UGT3A2: variants seen among roughly 807,000 people sequenced by gnomAD.
The protein encoded by UGT3A2 is UDP glycosyltransferase family 3 member A2.
UGT3A2 carries 32 observed loss-of-function variants against 39.8 expected under a neutral mutation model. The observed-to-expected ratio is 0.80, with a 90% CI of 0.61 to 1.08. UGT3A2 has a LOEUF of 1.08. Among genes scored for constraint, UGT3A2 ranks in the 50% least tolerant of loss-of-function variants. UGT3A2 has a pLI of 0.00. For synonymous variants in UGT3A2, 241 were observed against 230.7 expected, an observed-to-expected ratio of 1.04 and a Z score of -0.40; for missense variants, 611 against 637.1, an observed-to-expected ratio of 0.96 and a Z score of 0.44.
chr5:36,038,754 G>C (rs1741911631), intron 5 of UGT3A2, among the ~76,000 whole-genome samples: 1 of 152,214 alleles, frequency 6.6e-6, no homozygotes, highest in Non-Finnish European at 1.5e-5. Flanking sequence ...ACAGAAGTAG[G>C]ACCAGGAATC....
Position 36,049,226 on chromosome 5 carries a change from G to A in UGT3A2, c.506C>T (p.Ser169Leu), listed in dbSNP as rs1012901494. The A allele has an allele frequency of 6.2e-7, 1 of 1,614,084 alleles. No homozygotes were observed. The highest frequency in any genetic ancestry group is 8.5e-7 in the Non-Finnish European group (1 of 1,180,036). The part of the protein sequence containing the change: ...GKPFVAILST[S>L]FGSLEFGLPI... Reference sequence around the variant, plus strand: ...TAGCCCAAATTCCAAAGAGCCGAATGAAGTGGAAAGAATGGCCACAAATGG... The same window carrying A: ...TAGCCCAAATTCCAAAGAGCCGAATAAAGTGGAAAGAATGGCCACAAATGG... The change falls in exon 4 of 7, where the codon TCA becomes TTA. Residue 169 changes from serine (S) to leucine (L), a missense_variant. Transcript: ENST00000282507.
At chr5:36,065,117 A>G (rs557482066) in intron 1 of UGT3A2, among the ~76,000 whole-genome samples, 81 of 152,216 alleles carry the variant, frequency 5.3e-4, no homozygotes, top group African/African-American at 1.9e-3. Context: ...CACGAAATCA[A>G]TGTCTTCTCA....
In UGT3A2 at chr5:36,049,193, G is replaced by T; in HGVS notation, c.539C>A (p.Pro180His). The change falls in exon 4 of 7, where the codon CCC becomes CAC. Residue 180 changes from proline to histidine, a missense_variant. Pro to His is a moderately conservative substitution (Grantham distance 77). Coordinates refer to ENST00000282507, the MANE Select transcript of UGT3A2 (RefSeq NM_174914.4). ...ACGGAATACTGGAACATAAGACAAG[G>T]GGATTGGTAGCCCAAATTCCAAAGA... ...FGSLEFGLPI[P>H]LSYVPVFRSL... 1 of 1,614,122 alleles carries T rather than the reference G, an allele frequency of 6.2e-7. No individual in the cohort carries two copies. Among genetic ancestry groups the T allele is most frequent in the Non-Finnish European group, 8.5e-7 (1 of 1,180,022 alleles).
rs543641014 is a variant in UGT3A2 at position 36,035,021 on chromosome 5, T to C, written c.*677A>G. 6.6e-6 allele frequency: 1 copy of C among 152,498 alleles called. No individual in the cohort carries two copies. The highest frequency in any genetic ancestry group is 6.5e-5 in the Admixed American group (1 of 15,294). The allele number at this position is 152,498 out of a possible 1,614,324, so 9.4% of individuals were successfully genotyped here. A position where few individuals can be genotyped will look rare whatever the true frequency, so the allele number is the denominator to read the frequency against. ...AGAAATCTCTTGGCCAATCATTTAG[T>C]GAGGTTGGGGAGAGATAACGCTGTA... On this transcript the variant is annotated 3_prime_UTR_variant, in exon 7 of 7. Transcript: ENST00000282507.
chr5:36,038,128 C>T (rs986556391), intron 5 of UGT3A2, 112 bp from the exon 6 acceptor site: 41 of 1,100,852 alleles, frequency 3.7e-5, no homozygotes, highest in Non-Finnish European at 5.1e-5. Context: ...GTGTTGGAGA[C>T]ATTGTATCTA....
At position 36,035,909 on chromosome 5, in the gene UGT3A2, C is replaced by G; in HGVS notation, c.1361G>C (p.Arg454Pro). The change falls in exon 7 of 7, where the codon CGG (arginine) becomes CCG (proline). Residue 454 changes from arginine to proline, a missense_variant. Coordinates refer to ENST00000282507, the MANE Select transcript of UGT3A2 (RefSeq NM_174914.4). The stretch of plus-strand genomic sequence containing the variant: ...GACGTGGTCAATCCAGCCCACCAGC[C>G]GCTGTGTGGGGCTGAGCGGGTGGGA... ...LRSHPLSPTQ[R>P]LVGWIDHVLQ... 1 of 1,614,204 alleles carries G rather than the reference C, an allele frequency of 6.2e-7. No individual in the cohort carries two copies. The highest frequency in any genetic ancestry group is 1.3e-5 in the African/African-American group (1 of 75,040).
intron 2 of UGT3A2, among the ~76,000 whole-genome samples, chr5:36,060,681 G>A (rs1031798028): frequency 6.6e-6 from 1 of 152,132 alleles, no homozygotes; most frequent in Admixed American, 6.5e-5. Context: ...TCGTAATGAT[G>A]GTCTCAAGTA....
At position 36,049,141 on chromosome 5, in the gene UGT3A2, G is replaced by A; in HGVS notation, c.591C>T (p.Phe197=). The change falls in exon 4 of 7, where the codon TTC becomes TTT. Residue 197 remains phenylalanine (F), a synonymous_variant. Transcript: ENST00000282507. The part of the protein sequence containing the change: ...FRSLLTDHMD[F]WGRVKNFLMF... ...TCAGAAAATTCTTCACTCGGCCCCA[G>A]AAGTCCATGTGATCAGTCAGCAAGG... 6.2e-7 allele frequency: 1 copy of A among 1,614,178 alleles called. No individual in the cohort carries two copies. Among genetic ancestry groups the A allele is most frequent in the Non-Finnish European group, 8.5e-7 (1 of 1,180,046 alleles).
At chr5:36,062,791 G>C (rs1471329765) in intron 2 of UGT3A2, among the ~76,000 whole-genome samples, 1 of 152,198 alleles carries the variant, frequency 6.6e-6, no homozygotes, top group Non-Finnish European at 1.5e-5. Context: ...TGTAATCCCA[G>C]CACTTTGGGA....
intron 4 of UGT3A2, among the ~76,000 whole-genome samples, 176 bp from the exon 5 acceptor site, chr5:36,039,884 T>C (rs1338876057): frequency 1.3e-5 from 2 of 152,162 alleles, no homozygotes; most frequent in African/African-American, 4.8e-5. Context: ...ATGTCCTTTG[T>C]GTTGGTGGGA....
intron 4 of UGT3A2, among the ~76,000 whole-genome samples, chr5:36,040,439 G>A (rs528691312): frequency 1.5e-4 from 23 of 152,254 alleles, no homozygotes; most frequent in African/African-American, 5.5e-4. Flanking sequence ...ACCATTCCTG[G>A]TTTTAACATC....
rs61729692 is a variant in UGT3A2 at position 36,035,966 on chromosome 5, G to T, written c.1304C>A (p.Ser435Tyr). 1.2e-6 allele frequency: 2 copies of T among 1,613,670 alleles called. No individual in the cohort carries two copies. Among genetic ancestry groups the T allele is most frequent in the African/African-American group, 1.3e-5 (1 of 75,040 alleles). ...GATGACACTGGCAGCCACTGCCGCG[G>T]ACTTGTATCTGTTGAGAGAGATAGA... ...KQIMEDKRYKSAAVAASVILR... is the reference protein window; with the variant it reads ...KQIMEDKRYKYAAVAASVILR... The change falls in exon 7 of 7, where the codon TCC (serine) becomes TAC (tyrosine). Residue 435 changes from serine (S) to tyrosine (Y), a missense_variant. Ser to Tyr is a moderately radical substitution (Grantham distance 144, BLOSUM62 -2). Coordinates refer to ENST00000282507, the MANE Select transcript of UGT3A2 (RefSeq NM_174914.4).
chr5:36,060,761 G>A (rs1581018742), intron 2 of UGT3A2, among the ~76,000 whole-genome samples: 1 of 152,180 alleles, frequency 6.6e-6, no homozygotes, highest in Non-Finnish European at 1.5e-5. Context: ...GGGAGTCACT[G>A]TTTAATAAGT....
At chr5:36,059,716 C>A (rs1303350637) in intron 2 of UGT3A2, among the ~76,000 whole-genome samples, 2 of 152,068 alleles carry the variant, frequency 1.3e-5, no homozygotes, top group East Asian at 1.9e-4. Context: ...ATGTTTTACC[C>A]CGCAGCAATT....
At chr5:36,050,388 A>G (rs1742305404) in intron 3 of UGT3A2, among the ~76,000 whole-genome samples, 2 of 152,212 alleles carry the variant, frequency 1.3e-5, no homozygotes, top group African/African-American at 4.8e-5. Flanking sequence ...TAGATATCAG[A>G]AACATACTGG....
At chr5:36,049,481 G>T in intron 3 of UGT3A2, 61 bp from the exon 4 acceptor site, 3 of 1,301,728 alleles carry the variant, frequency 2.3e-6, no homozygotes, top group Non-Finnish European at 3.1e-6. Context: ...GTACATAAAA[G>T]TATCTTGAGA....
rs1581006346 is a variant in UGT3A2, at chr5:36,049,001, G to A, written c.731C>T (p.Ala244Val). The A allele has an allele frequency of 1.9e-6, 3 of 1,614,184 alleles. No homozygotes were observed. The highest frequency in any genetic ancestry group is 1.1e-5 in the South Asian group (1 of 91,078). Residue 244 changes from alanine (A) to valine (V), a missense_variant, in exon 4 of 7, where the codon GCA (alanine) becomes GTA (valine). By Grantham distance (64) the Ala-to-Val change is moderately conservative. Coordinates refer to ENST00000282507, the MANE Select transcript of UGT3A2 (RefSeq NM_174914.4). ...GTCAGAGTTAATGAACCACAACTCT[G>A]CTTTCAGTAGAAGATGAGACAAAAC... ...RPVLSHLLLK[A>V]ELWFINSDFA...
In UGT3A2 at chr5:36,064,328, C is replaced by T. The variant is rs148598772; in HGVS notation, c.117G>A (p.Met39Ile). 1.5e-5 allele frequency: 24 copies of T among 1,614,024 alleles called. No homozygotes were observed. In the African/African-American group the frequency reaches 2.9e-4, roughly 20 times the overall value. Residue 39 changes from methionine (M) to isoleucine (I), a missense_variant, in exon 2 of 7, where the codon ATG becomes ATA. Physicochemically the swap from Met to Ile is conservative, Grantham distance 10 (BLOSUM62 1). Transcript: ENST00000282507. ...STVGGSHYLLMDRVSQILQDH... is the reference protein window; with the variant it reads ...STVGGSHYLLIDRVSQILQDH... Reference sequence around the variant, plus strand: ...CTTGAAGAATCTGAGAAACCCGGTCCATCAGTAGATAATGGCTTCCACCTA... The same window carrying T: ...CTTGAAGAATCTGAGAAACCCGGTCTATCAGTAGATAATGGCTTCCACCTA...
At chr5:36,047,665 T>A (rs1039771860) in intron 4 of UGT3A2, among the ~76,000 whole-genome samples, 1 of 152,086 alleles carries the variant, frequency 6.6e-6, no homozygotes, top group African/African-American at 2.4e-5. Context: ...TAATTTTTTT[T>A]AAGTGTATAT....
Sources: gnomAD v4.1 joint callset for allele counts (sites outside exome capture counted in the v4.1 genomes callset) on GRCh38, gnomAD v4.1.1 for gene constraint, MANE v1.5 for transcripts, NCBI Gene and HGNC (gene_info 2026-07-23, HGNC 2026-07-21) for gene names.